Variants in RP1 observed in about 807,000 individuals in gnomAD.
RP1 encodes RP1 axonemal microtubule associated.
RP1 carries 16 observed loss-of-function variants against 14.8 expected under a neutral mutation model. The observed-to-expected ratio is 1.08, with a 90% confidence interval of 0.73 to 1.65. RP1 has a LOEUF of 1.65. Ranked by LOEUF, RP1 falls within the 40% of genes most tolerant of loss-of-function variation. RP1 has a pLI of 0.00. For missense variants in RP1, 2,631 were observed against 2,535.0 expected (o/e 1.04, Z -0.81); for synonymous variants, 876 against 883.6 (o/e 0.99, Z 0.15).
chr8:54,602,073 A>G (rs138630342), intron 1 of RP1, among the ~76,000 whole-genome samples: 3,378 of 152,310 alleles, frequency 0.022, 119 homozygotes, highest in African/African-American at 0.073. Flanking sequence ...TTTAGGGTAA[A>G]TGTGCACAAC....
At chr8:54,728,488 C>T (rs1477172331) in intron 17 of RP1, among the ~76,000 whole-genome samples, 1 of 152,076 alleles carries the variant, frequency 6.6e-6, no homozygotes, top group Non-Finnish European at 1.5e-5. Flanking sequence ...TATGTTTGTC[C>T]ACCCACTTTT....
At chr8:54,783,458 C>A in intron 23 of RP1, 1 of 599,340 alleles carries the variant, frequency 1.7e-6, no homozygotes, top group Non-Finnish European at 2.4e-6. Flanking sequence ...CATTTCATAA[C>A]CAAGTAGATT....
At chr8:54,797,873 CTTTTTTTTT>C (rs71254593) in intron 24 of RP1, among the ~76,000 whole-genome samples, 24,659 of 112,510 alleles carry the variant, frequency 0.22, 2,539 homozygotes, top group South Asian at 0.28. Flanking sequence ...GTTTCCCAAC[CTTTTTTTTT>C]TTTTTTTTTT....
chr8:54,783,339 T>C (rs1004030154), intron 23 of RP1, among the ~76,000 whole-genome samples: 1 of 152,210 alleles, frequency 6.6e-6, no homozygotes, highest in African/African-American at 2.4e-5. Context: ...CCCACTACTA[T>C]TTGTTTTGTA....
intron 23 of RP1, among the ~76,000 whole-genome samples, chr8:54,779,847 A>G (rs1045152273): frequency 3.3e-5 from 5 of 152,212 alleles, no homozygotes; most frequent in Non-Finnish European, 7.3e-5. Flanking sequence ...CGGTATTTAT[A>G]AGTAAAAAGA....
chr8:54,710,660 C>T (rs1366370039), intron 15 of RP1, among the ~76,000 whole-genome samples: 4 of 152,226 alleles, frequency 2.6e-5, no homozygotes, highest in East Asian at 1.9e-4. Flanking sequence ...TCGCTGTCAG[C>T]GGAGAGGGGA....
At chr8:54,783,012 T>G (rs1563375155) in intron 23 of RP1, among the ~76,000 whole-genome samples, 1 of 152,190 alleles carries the variant, frequency 6.6e-6, no homozygotes, top group East Asian at 1.9e-4. Flanking sequence ...TACTTGTTGG[T>G]TTGTTCCAAC....
At chr8:54,839,534 C>T (rs1162298127) in intron 25 of RP1, among the ~76,000 whole-genome samples, 1 of 152,178 alleles carries the variant, frequency 6.6e-6, no homozygotes, top group African/African-American at 2.4e-5. Context: ...CTCTTCTGGC[C>T]CCTCATCAGT....
intron 12 of RP1, among the ~76,000 whole-genome samples, chr8:54,689,861 T>A (rs558866862): frequency 1.3e-5 from 2 of 152,010 alleles, no homozygotes; most frequent in African/African-American, 4.8e-5. Flanking sequence ...AGTCACCATA[T>A]CTCTAATACA....
At chr8:54,649,764 CAGAG>C (rs1806619352) in intron 4 of RP1, among the ~76,000 whole-genome samples, 1 of 152,152 alleles carries the variant, frequency 6.6e-6, no homozygotes, top group East Asian at 1.9e-4. Context: ...CAGGTGGAGA[CAGAG>C]TAAAATCACC....
intron 1 of RP1, among the ~76,000 whole-genome samples, chr8:54,571,773 C>T (rs78813433): frequency 0.012 from 1,894 of 152,280 alleles, 46 homozygotes; most frequent in African/African-American, 0.044. Flanking sequence ...AGGCCTCTTC[C>T]TCAGCTCCTG....
chr8:54,834,962 T>C (rs1302573860), intron 24 of RP1, among the ~76,000 whole-genome samples: 2 of 152,174 alleles, frequency 1.3e-5, no homozygotes, highest in Non-Finnish European at 1.5e-5. Context: ...AAACAGAGGA[T>C]ACAGACTTTG....
At chr8:54,605,757 C>G (rs1195450217) in intron 1 of RP1, among the ~76,000 whole-genome samples, 5 of 152,164 alleles carry the variant, frequency 3.3e-5, no homozygotes, top group African/African-American at 1.2e-4. Context: ...GGATAGTTGG[C>G]TCTTCTTGTT....
At chr8:54,705,660 C>T (rs974018517) in intron 14 of RP1, among the ~76,000 whole-genome samples, 11 of 152,140 alleles carry the variant, frequency 7.2e-5, no homozygotes, top group South Asian at 4.1e-4. Context: ...GAAGCTGAGG[C>T]GAAGGTCAGA....
intron 1 of RP1, among the ~76,000 whole-genome samples, chr8:54,598,825 G>T (rs1167746399): frequency 6.6e-6 from 1 of 152,170 alleles, no homozygotes. Context: ...TGAGAAGTCG[G>T]CTGTCATTTG....
intron 27 of RP1, among the ~76,000 whole-genome samples, chr8:54,859,958 A>G (rs995349546): frequency 6.6e-6 from 1 of 152,200 alleles, no homozygotes; most frequent in Non-Finnish European, 1.5e-5. Context: ...TGGGATGGAA[A>G]CAATGTTAGA....
downstream of RP1, among the ~76,000 whole-genome samples, chr8:54,632,093 C>T (rs1320198108): frequency 1.3e-5 from 2 of 152,008 alleles, no homozygotes; most frequent in Non-Finnish European, 1.5e-5. Context: ...CCGCCCGCCT[C>T]GGCCTCCCAA....
rs79430500 is a variant in RP1 at position 54,642,859 on chromosome 8, C to T, written c.788-6126C>T. Among the ~76,000 whole-genome samples the T allele has an allele frequency of 7.7e-3, 1,173 of 152,202 alleles. 20 individuals are homozygous for T. Among genetic ancestry groups the T allele is most frequent in the African/African-American group, 0.027 (1,114 of 41,548 alleles). ...CTGTGTTTGAGAAAGCCCATTTCTTCGGACTGTTATAACACTAGGTGTTTT... is the reference window on the plus strand; with the variant it reads ...CTGTGTTTGAGAAAGCCCATTTCTTTGGACTGTTATAACACTAGGTGTTTT... On this transcript the variant is annotated intron_variant, in intron 3 of 22. Transcript: ENST00000636932.
At chr8:54,693,167 A>G (rs1187677547) in intron 12 of RP1, among the ~76,000 whole-genome samples, 2 of 152,016 alleles carry the variant, frequency 1.3e-5, no homozygotes, top group East Asian at 1.9e-4. Flanking sequence ...GTTCTGTTCC[A>G]TTGGTCTATA....
Sources: gnomAD v4.1 joint callset for allele counts (sites outside exome capture counted in the v4.1 genomes callset) on GRCh38, gnomAD v4.1.1 for gene constraint, MANE v1.5 for transcripts, NCBI Gene and HGNC (gene_info 2026-07-23, HGNC 2026-07-21) for gene names.